The following TRIM2 variants were observed in gnomAD, a reference collection of about 807,000 sequenced individuals.
TRIM2 encodes tripartite motif containing 2, also known as tripartite motif-containing protein 2.
TRIM2 carries 20 observed loss-of-function variants against 75.2 expected under a neutral mutation model. That is an observed-to-expected ratio of 0.27 (90% CI 0.19 to 0.39). The LOEUF (loss-of-function observed/expected upper bound fraction) is 0.39, where lower values mean the gene tolerates loss of function less well. TRIM2 is among the 10% of genes least tolerant of loss of function. The pLI, the probability that TRIM2 is intolerant of heterozygous loss-of-function variation, is 1.00. For missense variants in TRIM2, 660 were observed against 990.8 expected, an observed-to-expected ratio of 0.67 and a Z score of 4.48; for synonymous variants, 373 against 388.3, an observed-to-expected ratio of 0.96 and a Z score of 0.46.
chr4:153,177,123 G>A (rs1001818949), intron 1 of TRIM2, among the ~76,000 whole-genome samples: 1 of 152,226 alleles, frequency 6.6e-6, no homozygotes, highest in African/African-American at 2.4e-5. Context: ...AGCTAGCATG[G>A]CTAAGTACCA....
upstream of TRIM2, among the ~76,000 whole-genome samples, chr4:153,200,716 GA>G (rs71598251): frequency 8.5e-4 from 111 of 130,930 alleles, 1 homozygote; most frequent in African/African-American, 3.0e-3. Context: ...TTTTTAGTAA[GA>G]AAAAAAAATA....
In TRIM2 at chr4:153,244,287, TCCTCCTCCTCCTCCTCCTCCTCCTCCTCC is replaced by T. The variant is rs1358153138; in HGVS notation, c.31-26047_31-26019del. Among the ~76,000 whole-genome samples the T allele has an allele frequency of 1.4e-3, 42 of 30,232 alleles. 2 individuals carry two copies. The highest frequency in any genetic ancestry group is 6.0e-3 in the Admixed American group (17 of 2,822). 19.8% of individuals were successfully genotyped at this position (30,232 alleles called of 152,430 possible). A position where few individuals can be genotyped will look rare whatever the true frequency, so the allele number is the denominator to read the frequency against. On this transcript the variant is annotated intron_variant, in intron 1 of 11. Transcript: ENST00000338700. ...CTCCTCCTCCTCCTCCTCCTCCTCC[TCCTCCTCCTCCTCCTCCTCCTCCTCCTCC>T]TCCTCTTCTTCTTCTTCTTCTTCTT...
intron 2 of TRIM2, among the ~76,000 whole-genome samples, chr4:153,272,161 A>T (rs556210554): frequency 6.7e-6 from 1 of 149,950 alleles, no homozygotes; most frequent in African/African-American, 2.5e-5. Context: ...TTTTATTTTT[A>T]ATTTTGAGAT....
intron 1 of TRIM2, among the ~76,000 whole-genome samples, chr4:153,211,341 G>C (rs1277942921): frequency 2.0e-5 from 3 of 152,150 alleles, no homozygotes; most frequent in Non-Finnish European, 4.4e-5. Flanking sequence ...TACCTTCCAG[G>C]CTTCCAAGGC....
rs950168376 is a variant in TRIM2 at position 153,336,205 on chromosome 4, G to A, written c.*1239G>A. On this transcript the variant is annotated 3_prime_UTR_variant, in exon 12 of 12. Transcript: ENST00000338700. ...CAGCACTCTGAAAGACAGAAGCTTC[G>A]TCCAGCCACTCTTCAGCACATTCCT... is the stretch of plus-strand genomic sequence containing the variant. 46 of 984,954 alleles carry A rather than the reference G, an allele frequency of 4.7e-5. No individual in the cohort carries two copies. Among genetic ancestry groups the A allele is most frequent in the Middle Eastern group, 5.2e-4 (1 of 1,934 alleles). 61.0% of individuals were successfully genotyped at this position (984,954 alleles called of 1,614,324 possible). A position where few individuals can be genotyped will look rare whatever the true frequency, so the allele number is the denominator to read the frequency against.
chr4:153,296,715 T>C (rs1762851707), intron 6 of TRIM2, among the ~76,000 whole-genome samples: 1 of 152,238 alleles, frequency 6.6e-6, no homozygotes, highest in South Asian at 2.1e-4. Context: ...CTCTGATTTA[T>C]GGTCTCTCTC....
chr4:153,168,001 G>A (rs1730475685), intron 1 of TRIM2, among the ~76,000 whole-genome samples: 1 of 152,156 alleles, frequency 6.6e-6, no homozygotes, highest in African/African-American at 2.4e-5. Flanking sequence ...TCATTTGCCA[G>A]TTTCTTTGCC....
chr4:153,245,367 G>A (rs755471446), intron 1 of TRIM2, among the ~76,000 whole-genome samples: 1 of 152,216 alleles, frequency 6.6e-6, no homozygotes, highest in Non-Finnish European at 1.5e-5. Flanking sequence ...CAGTGAGTTA[G>A]GGTATTACAG....
At chr4:153,333,407 A>G (rs983841932) in intron 11 of TRIM2, among the ~76,000 whole-genome samples, 1 of 152,196 alleles carries the variant, frequency 6.6e-6, no homozygotes, top group Non-Finnish European at 1.5e-5. Flanking sequence ...AAATCTACAC[A>G]CATGATAAAA....
intron 3 of TRIM2, among the ~76,000 whole-genome samples, chr4:153,284,867 C>T (rs1760232192): frequency 1.3e-5 from 2 of 152,056 alleles, no homozygotes; most frequent in South Asian, 4.2e-4. Context: ...TATGACTAGC[C>T]ATATTTTCTC....
chr4:153,155,394 A>T (rs1413964021), intron 1 of TRIM2, among the ~76,000 whole-genome samples: 1 of 152,224 alleles, frequency 6.6e-6, no homozygotes, highest in Non-Finnish European at 1.5e-5. Flanking sequence ...TGTCCACTGT[A>T]CTTTAAAAAG....
intron 3 of TRIM2, among the ~76,000 whole-genome samples, chr4:153,283,874 T>C (rs1759958860): frequency 7.3e-6 from 1 of 136,804 alleles, no homozygotes; most frequent in African/African-American, 2.8e-5. Context: ...TTTTTTTTTT[T>C]TTTTTTTTTT....
rs183752846 is a variant in TRIM2 at position 153,161,418 on chromosome 4, G to A, written c.-49+8148G>A. 9.2e-5 allele frequency among the ~76,000 whole-genome samples: 14 copies of A among 152,274 alleles called. No individual in the cohort carries two copies. In the East Asian group the frequency reaches 1.3e-3, roughly 15 times the overall value. On this transcript the variant is annotated intron_variant, in intron 1 of 11. Transcript: ENST00000437508. ...TATCCTATGAAAAGTTATTATCCTC[G>A]TTTTAGAGATGAGAAAACTGAGACT... is the stretch of plus-strand genomic sequence containing the variant.
intron 6 of TRIM2, chr4:153,307,966 G>T (rs1303324158): frequency 1.3e-6 from 1 of 757,558 alleles, no homozygotes; most frequent in South Asian, 1.4e-5. Flanking sequence ...AAATACAGGG[G>T]CTTGTTCTGA....
intron 1 of TRIM2, among the ~76,000 whole-genome samples, chr4:153,241,319 C>T (rs1294104203): frequency 1.3e-5 from 2 of 152,166 alleles, no homozygotes; most frequent in Non-Finnish European, 2.9e-5. Flanking sequence ...AGGCTGGACA[C>T]CCAGTCCTTC....
chr4:153,296,731 A>G (rs1023622768), intron 6 of TRIM2, among the ~76,000 whole-genome samples: 2 of 152,230 alleles, frequency 1.3e-5, no homozygotes, highest in Admixed American at 6.5e-5. Context: ...CTCTCTTTTT[A>G]AACTTTCTAT....
intron 1 of TRIM2, among the ~76,000 whole-genome samples, chr4:153,153,997 G>A (rs1728991724): frequency 6.6e-6 from 1 of 151,960 alleles, no homozygotes; most frequent in South Asian, 2.1e-4. Context: ...CCTTACTATA[G>A]ATTGCTAAAA....
chr4:153,298,734 A>G (rs1763256904), intron 6 of TRIM2, among the ~76,000 whole-genome samples: 1 of 151,992 alleles, frequency 6.6e-6, no homozygotes, highest in Non-Finnish European at 1.5e-5. Context: ...TATATAATAT[A>G]TTTCTTTTCT....
intron 1 of TRIM2, among the ~76,000 whole-genome samples, chr4:153,254,844 A>G (rs1456007977): frequency 6.6e-6 from 1 of 152,208 alleles, no homozygotes; most frequent in African/African-American, 2.4e-5. Flanking sequence ...ATCCTATGTA[A>G]TGCTATTTCC....
Sources: allele counts gnomAD v4.1 joint callset (sites outside exome capture counted in the v4.1 genomes callset), GRCh38; gene constraint gnomAD v4.1.1; transcripts MANE v1.5; gene names NCBI Gene and HGNC (gene_info 2026-07-23, HGNC 2026-07-21).